The following ADAM22 variants were observed in gnomAD, a reference collection of about 807,000 sequenced individuals.
ADAM22 encodes the protein disintegrin and metalloproteinase domain-containing protein 22.
A neutral mutation model predicts 144.6 loss-of-function variants in ADAM22; 65 were observed. The observed-to-expected ratio is 0.45, with a 90% CI of 0.37 to 0.55. The LOEUF is 0.55. ADAM22 is among the 20% of genes least tolerant of loss of function. The probability of loss-of-function intolerance (pLI) is 0.00; values close to 1 mark genes in which losing one functional copy is unlikely to be tolerated. For missense variants in ADAM22, 974 were observed against 1,184.9 expected (o/e 0.82, Z 2.61); for synonymous variants, 391 against 412.6 (o/e 0.95, Z 0.63).
chr7:87,993,070 G>A (rs1354200202), intron 3 of ADAM22, among the ~76,000 whole-genome samples: 1 of 152,156 alleles, frequency 6.6e-6, no homozygotes, highest in Non-Finnish European at 1.5e-5. Context: ...GGAATCTATT[G>A]GCTAGTGGCG....
intron 24 of ADAM22, among the ~76,000 whole-genome samples, chr7:88,167,829 T>C (rs1395971925): frequency 6.6e-6 from 1 of 152,146 alleles, no homozygotes; most frequent in East Asian, 1.9e-4. Context: ...GGAACACAGA[T>C]TTTCTACAAG....
chr7:88,164,241 C>T (rs1451908069), intron 23 of ADAM22, among the ~76,000 whole-genome samples: 5 of 152,004 alleles, frequency 3.3e-5, no homozygotes, highest in African/African-American at 1.2e-4. Flanking sequence ...ATAAGCATGT[C>T]TTATCCATCT....
intron 2 of ADAM22, among the ~76,000 whole-genome samples, chr7:87,958,032 G>A (rs758066369): frequency 6.6e-6 from 1 of 152,086 alleles, no homozygotes; most frequent in Non-Finnish European, 1.5e-5. Flanking sequence ...ATAGGTAAAA[G>A]AATTAAATTC....
At chr7:88,051,662 G>A (rs1806456650) in intron 3 of ADAM22, among the ~76,000 whole-genome samples, 1 of 151,704 alleles carries the variant, frequency 6.6e-6, no homozygotes, top group African/African-American at 2.4e-5. Flanking sequence ...TAACAAACCT[G>A]CACATTGTGC....
At chr7:88,125,697 C>T (rs1343099176) in intron 8 of ADAM22, 38 bp downstream of exon 8, 6 of 1,454,716 alleles carry the variant, frequency 4.1e-6, no homozygotes, top group Non-Finnish European at 4.6e-6. Flanking sequence ...TATTTTAAAA[C>T]AATTGTCAAC....
chr7:88,021,859 C>A (rs969594407), intron 3 of ADAM22, among the ~76,000 whole-genome samples: 1 of 151,390 alleles, frequency 6.6e-6, no homozygotes, highest in Non-Finnish European at 1.5e-5. Context: ...GAATTTCTTC[C>A]TTCTCTCATT....
At chr7:88,006,160 A>G (rs185160629) in intron 3 of ADAM22, among the ~76,000 whole-genome samples, 53 of 152,146 alleles carry the variant, frequency 3.5e-4, no homozygotes, top group African/African-American at 1.2e-3. Flanking sequence ...ATAATTTTAT[A>G]TTTTTTTCTC....
At position 88,081,142 on chromosome 7, in the gene ADAM22, G is replaced by A. The variant is rs147149206; in HGVS notation, c.390+5450G>A. Among the ~76,000 whole-genome samples, 923 of 152,078 alleles carry A rather than the reference G, an allele frequency of 6.1e-3. 9 individuals carry two copies. The highest frequency in any genetic ancestry group is 0.037 in the East Asian group (191 of 5,174). ...CAACACATCAAAAAACTTATCCACC[G>A]TGATCAAGTGGGCTTCATCCCTGGG... is the stretch of plus-strand genomic sequence containing the variant. On this transcript the variant is annotated intron_variant, in intron 4 of 31. Transcript: ENST00000413139.
chr7:88,195,056 A>G (rs1850389173), intron 31 of ADAM22, among the ~76,000 whole-genome samples: 1 of 152,196 alleles, frequency 6.6e-6, no homozygotes, highest in Non-Finnish European at 1.5e-5. Flanking sequence ...AGAAACATCT[A>G]CTTACTCACT....
At chr7:88,146,303 T>A (rs1166984941) in intron 17 of ADAM22, among the ~76,000 whole-genome samples, 1 of 152,210 alleles carries the variant, frequency 6.6e-6, no homozygotes, top group African/African-American at 2.4e-5. Flanking sequence ...ATATGCACTC[T>A]CTTAGTGATA....
intron 3 of ADAM22, among the ~76,000 whole-genome samples, chr7:88,029,156 C>A (rs1361437894): frequency 2.0e-5 from 3 of 150,976 alleles, no homozygotes; most frequent in Non-Finnish European, 3.0e-5. Flanking sequence ...GTTTTATGGT[C>A]TTTTCTTCCT....
At chr7:88,104,894 C>T (rs1306033791) in intron 4 of ADAM22, among the ~76,000 whole-genome samples, 10 of 151,944 alleles carry the variant, frequency 6.6e-5, no homozygotes, top group East Asian at 1.9e-4. Flanking sequence ...TCATTTGCCA[C>T]GTTAGGCTTT....
chr7:88,168,297 C>A, intron 25 of ADAM22, 70 bp downstream of exon 25: 1 of 1,464,836 alleles, frequency 6.8e-7, no homozygotes, highest in Non-Finnish European at 9.5e-7. Context: ...ATGAAAACAT[C>A]TAGAAAGTTT....
intron 3 of ADAM22, among the ~76,000 whole-genome samples, chr7:88,053,574 G>A (rs4728726): frequency 0.75 from 99,389 of 133,234 alleles, 36,248 homozygotes; most frequent in African/African-American, 0.87. Flanking sequence ...GAAGGAAGGA[G>A]GAAAGGAAGG....
intron 31 of ADAM22, among the ~76,000 whole-genome samples, chr7:88,194,754 C>T (rs1850327551): frequency 6.6e-6 from 1 of 152,142 alleles, no homozygotes; most frequent in South Asian, 2.1e-4. Context: ...ATCCCTTTAG[C>T]CCTCCAGACC....
chr7:88,092,321 G>T (rs1820101044), intron 4 of ADAM22, among the ~76,000 whole-genome samples: 1 of 152,032 alleles, frequency 6.6e-6, no homozygotes, highest in Admixed American at 6.6e-5. Flanking sequence ...AACATACACA[G>T]CCCGCAAGCA....
intron 26 of ADAM22, among the ~76,000 whole-genome samples, chr7:88,177,572 A>G (rs144316699): frequency 2.4e-4 from 37 of 152,344 alleles, no homozygotes; most frequent in African/African-American, 8.7e-4. Context: ...TTTAGTAAAC[A>G]TAAAAGAGAG....
rs1341749564 is a variant in ADAM22, at chr7:88,175,328, G to A, written c.2301-3607G>A. ...GCAATAAGCATAGTATTGTAGACCT[G>A]GAGAGAAATAATTGTATAAATTAGC... is the stretch of plus-strand genomic sequence containing the variant. On this transcript the variant is annotated intron_variant, in intron 26 of 31. Transcript: ENST00000413139. Among the ~76,000 whole-genome samples, 3 of 152,064 alleles carry A rather than the reference G, an allele frequency of 2.0e-5. No individual in the cohort carries two copies. The South Asian group carries it at 6.2e-4, about 32-fold the overall frequency.
chr7:88,075,684 G>A lies in ADAM22; in HGVS notation c.382G>A (p.Glu128Lys), dbSNP rs111428945. 0.018 allele frequency: 28,487 copies of A among 1,613,174 alleles called. 314 individuals are homozygous for A. Among genetic ancestry groups the A allele is most frequent in the Non-Finnish European group, 0.021 (24,517 of 1,179,514 alleles). The change falls in exon 4 of 32, where the codon GAA (glutamate) becomes AAA (lysine). Residue 128 changes from glutamate to lysine, a missense_variant. By Grantham distance (56) the Glu-to-Lys change is moderately conservative (BLOSUM62 1). Around this residue, in one of 2 missense-constraint regions of ADAM22, gnomAD observed 240 missense variants for 234.3 expected, o/e 1.02. Transcript: ENST00000413139. ...RHIEHGGKTV[E>K]VKGGEHCYYQ... ...CATTGAACATGGAGGCAAGACTGTG[G>A]AAGTTAAAGTAAGTGAAATTTTCCT...
Sources: gnomAD v4.1 joint callset for allele counts (sites outside exome capture counted in the v4.1 genomes callset) on GRCh38, gnomAD v4.1.1 for gene constraint, gnomAD v4.1.1 regional missense constraint, MANE v1.5 for transcripts, NCBI Gene and HGNC (gene_info 2026-07-23, HGNC 2026-07-21) for gene names.